CHD8: variants seen among roughly 807,000 people sequenced by gnomAD.
CHD8 encodes the protein chromodomain helicase DNA binding protein 8.
Under a neutral mutation model 279.2 loss-of-function variants are expected in CHD8, and 31 were observed. The ratio of observed to expected loss-of-function variants is 0.11; its 90% CI spans 0.08 to 0.15. The LOEUF (loss-of-function observed/expected upper bound fraction) is 0.15, where lower values mean the gene tolerates loss of function less well. Ranked by LOEUF, CHD8 falls within the 10% of genes least tolerant of loss-of-function variation. The probability of loss-of-function intolerance (pLI) is 1.00; values close to 1 mark genes in which losing one functional copy is unlikely to be tolerated. For missense variants in CHD8, 2,146 were observed against 3,230.5 expected, an observed-to-expected ratio of 0.66 and a Z score of 8.14; for synonymous variants, 1,081 against 1,139.6, an observed-to-expected ratio of 0.95 and a Z score of 1.04.
chr14:21,403,762 A>C lies in CHD8; in HGVS notation c.3308-99T>G. 1 of 1,010,384 alleles carries C rather than the reference A, an allele frequency of 9.9e-7. No individual in the cohort carries two copies. Among genetic ancestry groups the C allele is most frequent in the Non-Finnish European group, 1.5e-6 (1 of 676,458 alleles). 62.6% of individuals were successfully genotyped at this position (1,010,384 alleles called of 1,614,324 possible). The stretch of plus-strand genomic sequence containing the variant: ...AGCAAAAGGAAAAAAATGTAATTTG[A>C]CTTAAGACCAACATTTCTCACACAC... On this transcript the variant is annotated intron_variant, in intron 16 of 37. Transcript: ENST00000646647. The surrounding 1 kb of genome is among the most constrained non-coding windows in gnomAD (Gnocchi z 4.3).
At chr14:21,433,190 A>T (rs537689044) in intron 1 of CHD8, among the ~76,000 whole-genome samples, 1 of 152,340 alleles carries the variant, frequency 6.6e-6, no homozygotes, top group Admixed American at 6.5e-5. Flanking sequence ...AAACCATTCG[A>T]TCCTCACAGA....
At chr14:21,421,258 TACAC>T (rs896681165) in intron 5 of CHD8, among the ~76,000 whole-genome samples, 9 of 152,088 alleles carry the variant, frequency 5.9e-5, no homozygotes, top group Non-Finnish European at 1.0e-4. Flanking sequence ...TACATATATA[TACAC>T]ACACAGACAC....
chr14:21,395,171 C>T, intron 29 of CHD8, 52 bp from the exon 30 acceptor site: 1 of 1,569,064 alleles, frequency 6.4e-7, no homozygotes, highest in Non-Finnish European at 8.7e-7. Context: ...GTAGTAGAGG[C>T]AATACTAGTA....
At chr14:21,401,831 C>A in intron 20 of CHD8, 126 bp downstream of exon 20, 1 of 865,990 alleles carries the variant, frequency 1.2e-6, no homozygotes, top group Non-Finnish European at 1.8e-6. Flanking sequence ...AGTGATCTGC[C>A]CGCCTCAGCC....
chr14:21,423,371 AAG>A lies in CHD8; in HGVS notation c.1716+2755_1716+2756del, dbSNP rs936345015. On this transcript the variant is annotated intron_variant, in intron 5 of 37. Coordinates refer to ENST00000646647, the MANE Select transcript of CHD8 (RefSeq NM_001170629.2). ...GGTGAGAGCACAAGTGAGAGAAAGC[AAG>A]AGAGGTCCCAACTTGATTTTATAAC... is the stretch of plus-strand genomic sequence containing the variant. Among the ~76,000 whole-genome samples the A allele has an allele frequency of 1.2e-4, 19 of 152,218 alleles. 1 individual carries two copies. The highest frequency in any genetic ancestry group is 3.6e-4 in the African/African-American group (15 of 41,460).
intron 1 of CHD8, among the ~76,000 whole-genome samples, chr14:21,433,086 T>A (rs1889633323): frequency 2.0e-5 from 3 of 152,232 alleles, no homozygotes; most frequent in Admixed American, 2.0e-4. Context: ...GTTTTATTTA[T>A]CTGTGGATCC....
At chr14:21,443,587 G>T (rs1313164582) in intron 1 of CHD8, among the ~76,000 whole-genome samples, 1 of 151,818 alleles carries the variant, frequency 6.6e-6, no homozygotes, top group Non-Finnish European at 1.5e-5. Context: ...GGGCGCTGTG[G>T]CTCACACCTG....
Position 21,405,931 on chromosome 14 carries a change from G to T in CHD8, c.2908-67C>A. The T allele has an allele frequency of 1.6e-6, 2 of 1,282,848 alleles. No individual in the cohort carries two copies. Among genetic ancestry groups the T allele is most frequent in the South Asian group, 1.4e-5 (1 of 70,902 alleles). 79.5% of individuals were successfully genotyped at this position (1,282,848 alleles called of 1,614,324 possible). A position where few individuals can be genotyped will look rare whatever the true frequency, so the allele number is the denominator to read the frequency against. ...AAGGACTTCTGGGGTTTCCTATCAA[G>T]TATATAATCTTTAACATATATAACC... On this transcript the variant is annotated intron_variant, in intron 14 of 37. Transcript: ENST00000646647. This position sits in a 1 kb window ranked among gnomAD's most constrained non-coding sequence, Gnocchi z 4.2.
intron 30 of CHD8, 177 bp downstream of exon 30, chr14:21,394,735 G>T: frequency 1.5e-6 from 1 of 670,040 alleles, no homozygotes; most frequent in South Asian, 2.0e-5. Context: ...AGACCTACCT[G>T]AGAGTTAATG....
Position 21,405,702 on chromosome 14 carries a change from C to T in CHD8, c.3051+19G>A. On this transcript the variant is annotated intron_variant, in intron 15 of 37. Coordinates refer to ENST00000646647, the MANE Select transcript of CHD8 (RefSeq NM_001170629.2). This position sits in a 1 kb window ranked among gnomAD's most constrained non-coding sequence, Gnocchi z 4.2. ...CCTTCTTTGTCCTGAGTTAGTACCT[C>T]ATCAGATAGATTTCCTACCTGTTCC... The T allele has an allele frequency of 6.2e-7, 1 of 1,612,718 alleles. No homozygotes were observed.
In CHD8 at chr14:21,395,344, G is replaced by C. The variant is rs1442800622; in HGVS notation, c.5136C>G (p.Pro1712=). ...AGATCTCCTCATCCATCATCATCAAGGGATCACCCTAGAGAAGGAGATCCA... is the reference window on the plus strand; with the variant it reads ...AGATCTCCTCATCCATCATCATCAACGGATCACCCTAGAGAAGGAGATCCA... The part of the protein sequence containing the change: ...PPKDQDDEGD[P]LMMMDEEISV... Residue 1712 remains proline, a synonymous_variant, in exon 29 of 38, where the codon CCC becomes CCG. Transcript: ENST00000646647. The C allele has an allele frequency of 1.2e-6, 2 of 1,605,930 alleles. No individual in the cohort carries two copies. The highest frequency in any genetic ancestry group is 2.7e-5 in the African/African-American group (2 of 74,728).
chr14:21,400,676 C>T lies in CHD8; in HGVS notation c.4371-64G>A. The T allele has an allele frequency of 7.0e-7, 1 of 1,423,060 alleles. No individual in the cohort carries two copies. Among genetic ancestry groups the T allele is most frequent in the Non-Finnish European group, 9.4e-7 (1 of 1,064,262 alleles). 88.2% of individuals were successfully genotyped at this position (1,423,060 alleles called of 1,614,324 possible). A position where few individuals can be genotyped will look rare whatever the true frequency, so the allele number is the denominator to read the frequency against. On this transcript the variant is annotated intron_variant, in intron 22 of 37. Coordinates refer to ENST00000646647, the MANE Select transcript of CHD8 (RefSeq NM_001170629.2). This position sits in a 1 kb window ranked among gnomAD's most constrained non-coding sequence, Gnocchi z 4.2. ...ATGACAGTCCCCTGTCCCTCAGAAT[C>T]ATGTCTCTGAAAAGGTGTGAAACAA...
Position 21,393,708 on chromosome 14 carries a change from C to T in CHD8, c.6087G>A (p.Glu2029=). The T allele has an allele frequency of 6.2e-7, 1 of 1,613,964 alleles. No individual in the cohort carries two copies. Among genetic ancestry groups the T allele is most frequent in the Non-Finnish European group, 8.5e-7 (1 of 1,179,876 alleles). The change falls in exon 32 of 38, where the codon GAG becomes GAA. Residue 2029 remains glutamate, a synonymous_variant. Transcript: ENST00000646647. ...GGGTTGGTCGGCTCCTGGCCACCAC[C>T]TCGTGCTCTAGCTTTAAAGTCAGAC... The part of the protein sequence containing the change: ...LESLTLKLEH[E]VVARSRPTPQ...
chr14:21,436,098 C>T (rs1195390135), intron 1 of CHD8, among the ~76,000 whole-genome samples: 4 of 152,254 alleles, frequency 2.6e-5, no homozygotes, highest in African/African-American at 9.6e-5. Context: ...TTGAGCCATG[C>T]TGACCTCTTT....
At chr14:21,454,860 C>T (rs1240031709) in intron 1 of CHD8, 3 of 152,124 alleles carry the variant, frequency 2.0e-5, no homozygotes, top group Non-Finnish European at 2.9e-5. Context: ...GTTCTGAAAC[C>T]TATTGGATGA....
At position 21,415,782 on chromosome 14, in the gene CHD8, G is replaced by C. The variant is rs376100482; in HGVS notation, c.1842C>G (p.Leu614=). ...VTGPIKPEPI[L]PEPVQEPDGE... Reference sequence around the variant, plus strand: ...CATCTGGTTCTTGCACTGGTTCAGGGAGGATAGGCTCAGGTTTTATTGGAC... The same window carrying C: ...CATCTGGTTCTTGCACTGGTTCAGGCAGGATAGGCTCAGGTTTTATTGGAC... The change falls in exon 6 of 38, where the codon CTC becomes CTG. Residue 614 remains leucine, a synonymous_variant. Coordinates refer to ENST00000646647, the MANE Select transcript of CHD8 (RefSeq NM_001170629.2). 32 of 1,613,828 alleles carry C rather than the reference G, an allele frequency of 2.0e-5. No homozygotes were observed. The highest frequency in any genetic ancestry group is 2.7e-5 in the African/African-American group (2 of 74,930).
intron 9 of CHD8, chr14:21,413,801 A>G (rs1888607801): frequency 6.5e-6 from 1 of 153,854 alleles, no homozygotes; most frequent in Non-Finnish European, 1.4e-5. Flanking sequence ...ACATACAACC[A>G]AAACTACTCT....
intron 9 of CHD8, 79 bp from the exon 10 acceptor site, chr14:21,413,075 A>G (rs959833971): frequency 1.2e-6 from 1 of 824,572 alleles, no homozygotes; most frequent in African/African-American, 1.7e-5. Flanking sequence ...CACCTTTAGC[A>G]GAGAATCCTA....
Position 21,428,168 on chromosome 14 carries a change from T to G in CHD8, c.1302A>C (p.Ala434=). The change falls in exon 4 of 38, where the codon GCA becomes GCC. Residue 434 remains alanine (A), a synonymous_variant. Transcript: ENST00000646647. The stretch of plus-strand genomic sequence containing the variant: ...TTCCCCCCGAATGAGGAGCAGAGCT[T>G]GCTGGTGATGACAAAGCTGCCACTT... The part of the protein sequence containing the change: ...ASEVAALSSP[A]SSAPHSGGKT... 1.2e-6 allele frequency: 2 copies of G among 1,614,032 alleles called. No homozygotes were observed. The highest frequency in any genetic ancestry group is 1.7e-6 in the Non-Finnish European group (2 of 1,179,898).
Sources: allele counts gnomAD v4.1 joint callset (sites outside exome capture counted in the v4.1 genomes callset), GRCh38; gene constraint gnomAD v4.1.1; non-coding constraint Gnocchi (gnomAD v3.1); transcripts MANE v1.5; gene names NCBI Gene and HGNC (gene_info 2026-07-23, HGNC 2026-07-21).